ENTREP1: variants seen among roughly 807,000 people sequenced by gnomAD.
The protein encoded by ENTREP1 is Friedreich ataxia region gene X123.
the ENTREP1 span, among the ~76,000 whole-genome samples, chr9:69,335,287 T>C: frequency 6.6e-6 from 1 of 152,114 alleles, no homozygotes; most frequent in African/African-American, 2.4e-5. Flanking sequence ...ATTATTACAA[T>C]AGAGTTTTTG....
the ENTREP1 span, among the ~76,000 whole-genome samples, chr9:69,345,771 T>G: frequency 6.6e-6 from 1 of 152,112 alleles, no homozygotes; most frequent in Middle Eastern, 3.4e-3. Context: ...CGTGGCTTAA[T>G]TTTTGTATTT....
the ENTREP1 span, among the ~76,000 whole-genome samples, chr9:69,358,015 T>G: frequency 0.011 from 1,639 of 152,214 alleles, 24 homozygotes; most frequent in Non-Finnish European, 0.018. Context: ...ACTAATCAGG[T>G]TTTCTGGTAC....
the ENTREP1 span, among the ~76,000 whole-genome samples, chr9:69,340,763 A>ATGTGTGTGTG: frequency 5.8e-4 from 17 of 29,224 alleles, no homozygotes; most frequent in Non-Finnish European, 1.2e-3. Flanking sequence ...GTGTGCGTGC[A>ATGTGTGTGTG]TGTGTGTGTG....
the ENTREP1 span, among the ~76,000 whole-genome samples, chr9:69,334,642 A>G: frequency 1.3e-5 from 2 of 152,192 alleles, no homozygotes; most frequent in Non-Finnish European, 2.9e-5. Flanking sequence ...CTCAAATGGC[A>G]TCAGCACATC....
the ENTREP1 span, among the ~76,000 whole-genome samples, chr9:69,350,173 C>A: frequency 1.3e-5 from 2 of 152,102 alleles, no homozygotes; most frequent in African/African-American, 4.8e-5. Flanking sequence ...TGAACGCTTA[C>A]TCCTATAATT....
the ENTREP1 span, among the ~76,000 whole-genome samples, chr9:69,328,133 C>G: frequency 6.6e-6 from 1 of 152,320 alleles, no homozygotes; most frequent in African/African-American, 2.4e-5. Context: ...ATGGTTTCAT[C>G]TGCACCCCCT....
At chr9:69,372,417 A>G in the ENTREP1 span, among the ~76,000 whole-genome samples, 1 of 152,214 alleles carries the variant, frequency 6.6e-6, no homozygotes, top group Non-Finnish European at 1.5e-5. Context: ...TAGGTACCTC[A>G]TACAAGTAGG....
chr9:69,360,640 A>G, the ENTREP1 span, among the ~76,000 whole-genome samples: 416 of 152,134 alleles, frequency 2.7e-3, 4 homozygotes, highest in African/African-American at 9.4e-3. Flanking sequence ...TGTCACTTTC[A>G]TCCTTCCTGG....
the ENTREP1 span, chr9:69,391,831 A>G: frequency 6.4e-7 from 1 of 1,554,038 alleles, no homozygotes; most frequent in Non-Finnish European, 8.7e-7. Flanking sequence ...GGCCACTCCA[A>G]GGGGAAGGAT....
the ENTREP1 span, chr9:69,391,651 G>A: frequency 4.0e-5 from 64 of 1,613,954 alleles, no homozygotes; most frequent in Non-Finnish European, 5.2e-5. Flanking sequence ...AGCTGCCCTC[G>A]CGGAGACAGC....
chr9:69,388,283 T>C, the ENTREP1 span: 1 of 1,614,158 alleles, frequency 6.2e-7, no homozygotes, highest in Middle Eastern at 1.6e-4. Context: ...TTTGATAGAT[T>C]ACAAATCCTA....
At chr9:69,392,258 A>C in the ENTREP1 span, 1 of 178,770 alleles carries the variant, frequency 5.6e-6, no homozygotes, top group Non-Finnish European at 1.2e-5. Context: ...GATTAACCCT[A>C]TGTGTCCACA....
the ENTREP1 span, chr9:69,336,355 A>G: frequency 1.3e-6 from 1 of 781,432 alleles, no homozygotes; most frequent in Admixed American, 2.4e-5. Flanking sequence ...AGAAATGCTT[A>G]AGCTTCCTTG....
chr9:69,351,215 G>A, the ENTREP1 span, among the ~76,000 whole-genome samples: 1 of 152,082 alleles, frequency 6.6e-6, no homozygotes, highest in Non-Finnish European at 1.5e-5. Context: ...AGATTACCCA[G>A]TAATCTCTTC....
chr9:69,340,992 C>G, the ENTREP1 span, among the ~76,000 whole-genome samples: 5 of 152,120 alleles, frequency 3.3e-5, no homozygotes, highest in Non-Finnish European at 5.9e-5. Context: ...ATTGTCTGGT[C>G]TAGGCACCTC....
the ENTREP1 span, among the ~76,000 whole-genome samples, chr9:69,334,552 A>G: frequency 0.88 from 133,632 of 152,222 alleles, 58,911 homozygotes; most frequent in African/African-American, 0.95. Context: ...GAGCAATTTG[A>G]ACAAGTATAA....
the ENTREP1 span, among the ~76,000 whole-genome samples, chr9:69,340,669 G>GTGTGTGCA: frequency 7.8e-5 from 11 of 140,514 alleles, no homozygotes; most frequent in Non-Finnish European, 1.4e-4. Flanking sequence ...GTGTGTGCGT[G>GTGTGTGCA]TGTGTGTGCA....
chr9:69,369,292 C>T, the ENTREP1 span, among the ~76,000 whole-genome samples: 2 of 151,824 alleles, frequency 1.3e-5, no homozygotes, highest in East Asian at 3.9e-4. Context: ...AATAAACATA[C>T]GTGTGTGTGT....
chr9:69,375,637 C>T, the ENTREP1 span: 4 of 959,348 alleles, frequency 4.2e-6, no homozygotes, highest in Admixed American at 2.0e-5. Flanking sequence ...ACACAGAACC[C>T]TGCCATCATC....
Sources: allele counts gnomAD v4.1 joint callset (sites outside exome capture counted in the v4.1 genomes callset), GRCh38; gene constraint gnomAD v4.1.1; transcripts MANE v1.5; gene names NCBI Gene and HGNC (gene_info 2026-07-23, HGNC 2026-07-21).